GRM7: variants seen among roughly 807,000 people sequenced by gnomAD.
GRM7 encodes the protein metabotropic glutamate receptor 7.
In GRM7, 35 loss-of-function variants were observed where a neutral mutation model predicts 84.5. The observed-to-expected ratio is 0.41, with a 90% CI of 0.32 to 0.55. The LOEUF is 0.55. GRM7 is among the 20% of genes least tolerant of loss of function. The probability of loss-of-function intolerance (pLI) is 0.19; values close to 1 mark genes in which losing one functional copy is unlikely to be tolerated. For synonymous variants in GRM7, 487 were observed against 455.1 expected (o/e 1.07, Z -0.89); for missense variants, 1,003 against 1,194.6 (o/e 0.84, Z 2.36).
chr3:7,389,366 C>A (rs1694903145), intron 4 of GRM7, among the ~76,000 whole-genome samples: 1 of 152,018 alleles, frequency 6.6e-6, no homozygotes, highest in South Asian at 2.1e-4. Flanking sequence ...GTGGAATATT[C>A]TGTAGGTATT....
intron 8 of GRM7, among the ~76,000 whole-genome samples, chr3:7,637,942 T>C (rs1698177383): frequency 6.6e-6 from 1 of 152,204 alleles, no homozygotes; most frequent in Non-Finnish European, 1.5e-5. Context: ...CAGTAAGCTG[T>C]GTTTGCCCAC....
chr3:7,527,042 C>A (rs1300745444), intron 7 of GRM7, among the ~76,000 whole-genome samples: 1 of 151,532 alleles, frequency 6.6e-6, no homozygotes, highest in African/African-American at 2.4e-5. Flanking sequence ...TTTTAGAATT[C>A]TTTTTTCTAA....
intron 1 of GRM7, among the ~76,000 whole-genome samples, chr3:6,969,804 A>G (rs1411096847): frequency 6.6e-6 from 1 of 152,204 alleles, no homozygotes; most frequent in Non-Finnish European, 1.5e-5. Context: ...TTAGGGGTAC[A>G]GGGAATCTCC....
chr3:6,970,390 T>C (rs1236239337), intron 1 of GRM7, among the ~76,000 whole-genome samples: 2 of 152,240 alleles, frequency 1.3e-5, no homozygotes, highest in African/African-American at 4.8e-5. Flanking sequence ...GAAGAAAAGT[T>C]CTTTGGACCG....
chr3:6,972,524 C>T (rs1693799532), intron 1 of GRM7, among the ~76,000 whole-genome samples: 1 of 152,142 alleles, frequency 6.6e-6, no homozygotes, highest in South Asian at 2.1e-4. Flanking sequence ...CCTTGTGTAT[C>T]GTCCATTGCT....
intron 1 of GRM7, among the ~76,000 whole-genome samples, chr3:7,022,569 C>A (rs992126219): frequency 6.6e-6 from 1 of 151,926 alleles, no homozygotes; most frequent in African/African-American, 2.4e-5. Flanking sequence ...AAAAAACTGA[C>A]CTTTCAGGTT....
intron 2 of GRM7, among the ~76,000 whole-genome samples, chr3:7,215,869 A>G (rs1421582159): frequency 1.3e-5 from 2 of 152,124 alleles, no homozygotes; most frequent in Non-Finnish European, 2.9e-5. Flanking sequence ...AGAAAATTGG[A>G]CAAAACTCAA....
At chr3:7,611,670 G>A (rs1045236757) in intron 8 of GRM7, among the ~76,000 whole-genome samples, 7 of 152,124 alleles carry the variant, frequency 4.6e-5, no homozygotes, top group Non-Finnish European at 5.9e-5. Flanking sequence ...AAAGTTGCCC[G>A]ATGGATTGAA....
intron 8 of GRM7, among the ~76,000 whole-genome samples, chr3:7,603,127 C>T (rs150845832): frequency 9.9e-5 from 15 of 152,226 alleles, no homozygotes; most frequent in African/African-American, 3.1e-4. Flanking sequence ...TTGAATATTG[C>T]ACTAATGCCC....
chr3:6,919,552 T>A (rs1697053059), intron 1 of GRM7, among the ~76,000 whole-genome samples: 1 of 148,752 alleles, frequency 6.7e-6, no homozygotes, highest in Non-Finnish European at 1.5e-5. Context: ...AGAAAAACAT[T>A]ATTGTATTGT....
chr3:7,641,713 C>T (rs1055686053), intron 8 of GRM7, among the ~76,000 whole-genome samples: 5 of 152,074 alleles, frequency 3.3e-5, no homozygotes, highest in African/African-American at 1.2e-4. Context: ...AAATAATACG[C>T]AATGATGTGA....
chr3:7,099,895 A>C (rs552732577), intron 1 of GRM7, among the ~76,000 whole-genome samples: 1 of 135,000 alleles, frequency 7.4e-6, no homozygotes, highest in Admixed American at 7.3e-5. Context: ...ACATATATAC[A>C]TAGATTATAC....
chr3:7,305,563 G>C (rs1395467856), intron 3 of GRM7, among the ~76,000 whole-genome samples: 1 of 40,486 alleles, frequency 2.5e-5, no homozygotes, highest in African/African-American at 5.2e-5. Flanking sequence ...TGATCTCATT[G>C]TTCAATTCCC....
At chr3:7,105,887 T>C (rs1274071282) in intron 1 of GRM7, among the ~76,000 whole-genome samples, 1 of 151,898 alleles carries the variant, frequency 6.6e-6, no homozygotes, top group Non-Finnish European at 1.5e-5. Context: ...TGTAGAAAAA[T>C]AATTTAAATT....
chr3:7,117,143 G>A (rs1574925956), intron 1 of GRM7, among the ~76,000 whole-genome samples: 1 of 152,146 alleles, frequency 6.6e-6, no homozygotes. Context: ...AAAGAGTGGA[G>A]GAGATGGGAA....
intron 2 of GRM7, among the ~76,000 whole-genome samples, chr3:7,291,129 TTTTCTTGAC>T (rs1210207984): frequency 6.6e-6 from 1 of 151,938 alleles, no homozygotes; most frequent in East Asian, 1.9e-4. Flanking sequence ...AGCTTTGTAA[TTTTCTTGAC>T]TTTTTTTTTT....
chr3:7,293,986 T>A (rs1242249357), intron 2 of GRM7, among the ~76,000 whole-genome samples: 2 of 152,240 alleles, frequency 1.3e-5, no homozygotes, highest in African/African-American at 4.8e-5. Context: ...GTTTTCCAGT[T>A]TTCTTTCATT....
intron 4 of GRM7, among the ~76,000 whole-genome samples, chr3:7,337,131 C>T (rs73132254): frequency 2.0e-5 from 3 of 152,206 alleles, no homozygotes; most frequent in South Asian, 2.1e-4. Context: ...TTACAGCCAA[C>T]TGCTCTTTGA....
rs1403668391 is a variant in GRM7 at position 7,714,138 on chromosome 3, C to A, written c.2699-26219C>A. Among the ~76,000 whole-genome samples the A allele has an allele frequency of 2.6e-5, 4 of 152,268 alleles. No individual in the cohort carries two copies. In the East Asian group the frequency reaches 7.7e-4, roughly 29 times the overall value. On this transcript the variant is annotated intron_variant, in intron 9 of 9. Transcript: ENST00000357716. ...AAAGAAACTGGGATGGAGAACAAAA[C>A]ACTCTACAGAGCTGTGCCATCCAGA...
Sources: allele counts gnomAD v4.1 joint callset (sites outside exome capture counted in the v4.1 genomes callset), GRCh38; gene constraint gnomAD v4.1.1; transcripts MANE v1.5; gene names NCBI Gene and HGNC (gene_info 2026-07-23, HGNC 2026-07-21).